The following PHF8 variants were observed in gnomAD, a reference collection of about 807,000 sequenced individuals.
The protein encoded by PHF8 is PHD finger protein 8.
PHF8 carries 9 observed loss-of-function variants against 74.4 expected under a neutral mutation model. The ratio of observed to expected loss-of-function variants is 0.12; its 90% confidence interval spans 0.07 to 0.21. The LOEUF (loss-of-function observed/expected upper bound fraction) is 0.21, where lower values mean the gene tolerates loss of function less well. Ranked by LOEUF, PHF8 falls within the 10% of genes least tolerant of loss-of-function variation. PHF8 has a pLI of 1.00. For missense variants in PHF8, 478 were observed against 816.6 expected (o/e 0.59, Z 5.05); for synonymous variants, 311 against 316.6 (o/e 0.98, Z 0.19).
chrX:54,017,177 T>C (rs1557108430), intron 5 of PHF8, among the ~76,000 whole-genome samples: 1 of 112,878 alleles, frequency 8.9e-6, no homozygotes, highest in East Asian at 2.8e-4. Flanking sequence ...GGGCTGGGCG[T>C]GGTGGCTCAC....
At chrX:53,991,153 C>T (rs2065653511) in intron 14 of PHF8, among the ~76,000 whole-genome samples, 1 of 112,016 alleles carries the variant, frequency 8.9e-6, no homozygotes, top group Non-Finnish European at 1.9e-5. Flanking sequence ...ATTTAAACCT[C>T]GGACTGCCTG....
At chrX:54,004,999 GA>G (rs2065876766) in intron 8 of PHF8, among the ~76,000 whole-genome samples, 1 of 109,570 alleles carries the variant, frequency 9.1e-6, no homozygotes, top group African/African-American at 3.3e-5. Flanking sequence ...ACAGAAGAAA[GA>G]AACAGAAAAT....
At chrX:53,976,785 G>T (rs1240552490) in intron 18 of PHF8, among the ~76,000 whole-genome samples, 3 of 110,132 alleles carry the variant, frequency 2.7e-5, no homozygotes, top group African/African-American at 9.9e-5. Flanking sequence ...GGGAAAAGGG[G>T]GATATCACTA....
chrX:53,995,555 G>T, intron 12 of PHF8, 138 bp downstream of exon 12: 1 of 490,489 alleles, frequency 2.0e-6, no homozygotes, highest in South Asian at 2.7e-5. Context: ...ATAATTATTT[G>T]AACGAATGAA....
chrX:54,016,966 T>C lies in PHF8; in HGVS notation c.455-230A>G, dbSNP rs782459308. Among the ~76,000 whole-genome samples, 188 of 112,365 alleles carry C rather than the reference T, an allele frequency of 1.7e-3. 1 individual carries two copies. Among genetic ancestry groups the C allele is most frequent in the African/African-American group, 5.5e-3 (169 of 30,929 alleles). Reference sequence around the variant, plus strand: ...ACTACCAGACACACAGCCTCACACATAGTAGTCCATCTGCCTGGGCCTTGC... The same window carrying C: ...ACTACCAGACACACAGCCTCACACACAGTAGTCCATCTGCCTGGGCCTTGC... On this transcript the variant is annotated intron_variant, in intron 5 of 21. Coordinates refer to ENST00000338154, the MANE Select transcript of PHF8 (RefSeq NM_015107.3).
At chrX:53,995,569 G>C (rs1557102564) in intron 12 of PHF8, 124 bp downstream of exon 12, 1 of 503,160 alleles carries the variant, frequency 2.0e-6, no homozygotes, top group Non-Finnish European at 3.6e-6. Context: ...GAATGAATTG[G>C]GTCTTTGGTA....
rs975990139 is a variant in PHF8, at chrX:53,966,545, C to T, written c.2444-3606G>A. Among the ~76,000 whole-genome samples the T allele has an allele frequency of 1.2e-4, 13 of 112,308 alleles. No individual in the cohort carries two copies. In the South Asian group the frequency reaches 2.2e-3, roughly 19 times the overall value. On this transcript the variant is annotated intron_variant, in intron 18 of 21. Transcript: ENST00000338154. Reference sequence around the variant, plus strand: ...TGGTTCACTCAGTGCTCAATGGTGCCCAGGCTGGAGTGCAGTGGCGTGATC... The same window carrying T: ...TGGTTCACTCAGTGCTCAATGGTGCTCAGGCTGGAGTGCAGTGGCGTGATC...
At chrX:53,995,918 G>A in intron 11 of PHF8, 136 bp from the exon 12 acceptor site, 2 of 403,695 alleles carry the variant, frequency 5.0e-6, no homozygotes, top group Non-Finnish European at 4.3e-6. Flanking sequence ...ATATCCACAT[G>A]CAAAAAAAAA....
chrX:54,017,381 T>C (rs2066089323), intron 5 of PHF8, among the ~76,000 whole-genome samples: 1 of 111,731 alleles, frequency 9.0e-6, no homozygotes, highest in African/African-American at 3.3e-5. Flanking sequence ...CAGGAGGAGG[T>C]GGAGGCTGCA....
chrX:53,969,006 G>A (rs781867865), intron 18 of PHF8, among the ~76,000 whole-genome samples: 5 of 111,743 alleles, frequency 4.5e-5, no homozygotes, highest in Non-Finnish European at 9.4e-5. Context: ...AGGCTGAGAC[G>A]GGCAGATAGC....
intron 20 of PHF8, chrX:53,943,208 A>G: frequency 1.1e-6 from 1 of 941,181 alleles, no homozygotes; most frequent in South Asian, 4.0e-5. Flanking sequence ...CATAAGAGAC[A>G]GAAGTTCTGG....
intron 2 of PHF8, among the ~76,000 whole-genome samples, chrX:54,030,895 T>C (rs911308092): frequency 1.8e-5 from 2 of 112,062 alleles, no homozygotes; most frequent in Non-Finnish European, 3.8e-5. Context: ...GAAATGGAAG[T>C]ACTAATAGTA....
intron 14 of PHF8, among the ~76,000 whole-genome samples, chrX:53,990,141 C>A (rs1451591302): frequency 9.0e-6 from 1 of 111,468 alleles, no homozygotes; most frequent in Non-Finnish European, 1.9e-5. Flanking sequence ...TACAGCAAGA[C>A]CCTGTCTCTA....
At chrX:54,036,590 A>C (rs1311673067) in intron 2 of PHF8, among the ~76,000 whole-genome samples, 2 of 105,495 alleles carry the variant, frequency 1.9e-5, no homozygotes, top group Non-Finnish European at 3.9e-5. Flanking sequence ...AAAAAAAAAA[A>C]AAAAAAAAAA....
intron 2 of PHF8, among the ~76,000 whole-genome samples, chrX:54,038,611 C>A (rs2066500956): frequency 8.9e-6 from 1 of 112,020 alleles, no homozygotes; most frequent in Non-Finnish European, 1.9e-5. Flanking sequence ...AATCCAGCTT[C>A]TTACAGGAAG....
intron 18 of PHF8, among the ~76,000 whole-genome samples, chrX:53,979,243 G>T (rs999973993): frequency 8.1e-5 from 9 of 110,859 alleles, no homozygotes; most frequent in Non-Finnish European, 1.5e-4. Flanking sequence ...TTAGCCAGGC[G>T]TGGTGGCGTA....
chrX:54,044,367 G>A lies in PHF8; in HGVS notation c.-698C>T, dbSNP rs1187259153. 2 of 750,944 alleles carry A rather than the reference G, an allele frequency of 2.7e-6. No individual in the cohort carries two copies. The highest frequency in any genetic ancestry group is 1.6e-6 in the Non-Finnish European group (1 of 635,732). 61.9% of individuals were successfully genotyped at this position (750,944 alleles called of 1,213,427 possible). On this transcript the variant is annotated 5_prime_UTR_variant, in exon 1 of 22. Transcript: ENST00000338154. ...TATTCAAAACAATGAGGAAGTTGAGGCGGAGAGGGGAGGAGAAATACGGGA... is the reference window on the plus strand; with the variant it reads ...TATTCAAAACAATGAGGAAGTTGAGACGGAGAGGGGAGGAGAAATACGGGA...
Position 53,992,826 on chromosome X carries a change from C to A in PHF8, c.1640G>T (p.Gly547Val). The A allele has an allele frequency of 8.4e-7, 1 of 1,190,677 alleles. No individual in the cohort carries two copies. The highest frequency in any genetic ancestry group is 1.7e-5 in the African/African-American group (1 of 57,357). The change falls in exon 14 of 22, where the codon GGT becomes GTT. Residue 547 changes from glycine (G) to valine (V), a missense_variant. Gly to Val is a moderately radical substitution (Grantham distance 109). This residue lies in a region of PHF8 where 153 missense variants were observed against 164.8 expected (regional missense o/e 0.93). Transcript: ENST00000338154. ...SFQKAKFNIT[G>V]ACLNDSDDDS... ...GTCATCTGAGTCATTCAAGCAGGCA[C>A]CAGTGATGTTGAACTGTAGAAGTAG...
intron 18 of PHF8, among the ~76,000 whole-genome samples, chrX:53,967,552 C>T (rs1480019995): frequency 1.8e-5 from 2 of 111,992 alleles, no homozygotes; most frequent in African/African-American, 6.4e-5. Flanking sequence ...CGCCTCTGCC[C>T]GGCCGCCCCT....
Sources: gnomAD v4.1 joint callset for allele counts (sites outside exome capture counted in the v4.1 genomes callset) on GRCh38, gnomAD v4.1.1 for gene constraint, gnomAD v4.1.1 regional missense constraint, MANE v1.5 for transcripts, NCBI Gene and HGNC (gene_info 2026-07-23, HGNC 2026-07-21) for gene names.